The following TEX101 variants were observed in gnomAD, a reference collection of about 807,000 sequenced individuals.
TEX101 encodes the protein testis-expressed protein 101.
Under a neutral mutation model 18.1 loss-of-function variants are expected in TEX101, and 10 were observed. That is an observed-to-expected ratio of 0.55 (90% CI 0.34 to 0.94). TEX101 has a LOEUF of 0.94. Among genes scored for constraint, TEX101 ranks in the 40% least tolerant of loss-of-function variants. The probability of loss-of-function intolerance (pLI) is 0.02; values close to 1 mark genes in which losing one functional copy is unlikely to be tolerated. For missense variants in TEX101, 259 were observed against 298.9 expected (o/e 0.87, Z 0.98); for synonymous variants, 94 against 114.8 (o/e 0.82, Z 1.16).
At chr19:43,413,912 G>A (rs991116751), upstream of TEX101, among the ~76,000 whole-genome samples, 7 of 150,738 alleles carry the variant, frequency 4.6e-5, no homozygotes, top group Non-Finnish European at 7.4e-5. Context: ...CTGAGATCAC[G>A]TCACTGCACT....
At chr19:43,413,968 CA>C (rs765756332), upstream of TEX101, among the ~76,000 whole-genome samples, 43 of 151,388 alleles carry the variant, frequency 2.8e-4, no homozygotes, top group Middle Eastern at 3.4e-3. Flanking sequence ...AAAAAAAATA[CA>C]AAAAATTAGC....
intron 3 of TEX101, chr19:43,406,524 ATGG>A: frequency 2.8e-6 from 2 of 726,374 alleles, no homozygotes; most frequent in East Asian, 5.3e-5. Flanking sequence ...AGGCAGGTAC[ATGG>A]GCCTTGCGGG....
At chr19:43,397,451 T>A (rs943111640), upstream of TEX101, among the ~76,000 whole-genome samples, 2 of 140,936 alleles carry the variant, frequency 1.4e-5, no homozygotes, top group African/African-American at 5.1e-5. Flanking sequence ...TTCTTACACA[T>A]CATCCTTTGT....
upstream of TEX101, among the ~76,000 whole-genome samples, chr19:43,398,474 C>T (rs1487472664): frequency 1.3e-5 from 2 of 151,600 alleles, no homozygotes; most frequent in Non-Finnish European, 1.5e-5. Context: ...CAGGGTTTCA[C>T]CATGTTGGCC....
chr19:43,390,761 G>A, the TEX101 span, among the ~76,000 whole-genome samples: 7 of 150,472 alleles, frequency 4.7e-5, no homozygotes, highest in East Asian at 2.0e-4. Flanking sequence ...CACCTCGCCC[G>A]GCCCATTTTA....
chr19:43,404,661 A>G (rs1272153645), intron 2 of TEX101, among the ~76,000 whole-genome samples: 3 of 151,870 alleles, frequency 2.0e-5, no homozygotes, highest in African/African-American at 7.3e-5. Flanking sequence ...ATACATGTGT[A>G]TGTATGTGTG....
the TEX101 span, among the ~76,000 whole-genome samples, chr19:43,395,275 G>A: frequency 6.6e-6 from 1 of 152,174 alleles, no homozygotes; most frequent in African/African-American, 2.4e-5. Flanking sequence ...TCTGCTTTTA[G>A]GTAGATAAGG....
At chr19:43,395,884 C>T in the TEX101 span, among the ~76,000 whole-genome samples, 1 of 152,350 alleles carries the variant, frequency 6.6e-6, no homozygotes, top group Admixed American at 6.5e-5. Flanking sequence ...TGAAACTGCT[C>T]CACCTTTACG....
intron 1 of TEX101, among the ~76,000 whole-genome samples, chr19:43,415,435 C>T (rs1213811540): frequency 3.3e-5 from 5 of 152,036 alleles, no homozygotes; most frequent in East Asian, 1.9e-4. Flanking sequence ...AGGGACAGAA[C>T]GACTTTAGAA....
the TEX101 span, among the ~76,000 whole-genome samples, chr19:43,395,661 G>T: frequency 6.6e-6 from 1 of 152,230 alleles, no homozygotes; most frequent in Admixed American, 6.5e-5. Context: ...ATAAGAGGGT[G>T]TGGTGACTCT....
chr19:43,408,458 G>A (rs1970390367), intron 3 of TEX101, among the ~76,000 whole-genome samples: 1 of 152,182 alleles, frequency 6.6e-6, no homozygotes, highest in Admixed American at 6.5e-5. Flanking sequence ...GGAGAAGAGG[G>A]TCCGGCCGGT....
chr19:43,414,653 T>C (rs1372734347), upstream of TEX101, among the ~76,000 whole-genome samples: 1 of 152,208 alleles, frequency 6.6e-6, no homozygotes, highest in African/African-American at 2.4e-5. Flanking sequence ...GGCAACGCAC[T>C]GCCCACCCTC....
intron 2 of TEX101, chr19:43,406,209 T>G (rs967463053): frequency 2.4e-6 from 1 of 412,264 alleles, no homozygotes; most frequent in Non-Finnish European, 4.3e-6. Flanking sequence ...TGACGACTTG[T>G]GATTTCTGTG....
At chr19:43,411,629 A>ATTTTCTTTT (rs571071318), upstream of TEX101, among the ~76,000 whole-genome samples, 1 of 150,860 alleles carries the variant, frequency 6.6e-6, no homozygotes, top group African/African-American at 2.4e-5. Context: ...TAACCTCCTC[A>ATTTTCTTTT]TTTTCTTTTT....
At chr19:43,402,567 G>A (rs1446751467) in intron 1 of TEX101, among the ~76,000 whole-genome samples, 1 of 151,590 alleles carries the variant, frequency 6.6e-6, no homozygotes, top group Non-Finnish European at 1.5e-5. Context: ...ACAAACAGAT[G>A]TTTGAACTAA....
At chr19:43,414,416 C>T (rs529575101), upstream of TEX101, among the ~76,000 whole-genome samples, 517 of 152,242 alleles carry the variant, frequency 3.4e-3, 5 homozygotes, top group Non-Finnish European at 6.2e-3. Flanking sequence ...GACGCCTGGG[C>T]TGCACAGGGG....
At chr19:43,414,868 G>A, upstream of TEX101, 5 of 985,474 alleles carry the variant, frequency 5.1e-6, no homozygotes, top group Non-Finnish European at 6.0e-6. Context: ...TGTGTGGCCA[G>A]GCTGGCCCGG....
At chr19:43,388,722 A>G in the TEX101 span, among the ~76,000 whole-genome samples, 1 of 152,182 alleles carries the variant, frequency 6.6e-6, no homozygotes, top group Non-Finnish European at 1.5e-5. Flanking sequence ...GCTTGGCTGG[A>G]TACAAAGGTG....
At chr19:43,414,876 C>T (rs915791721), upstream of TEX101, 1 of 985,440 alleles carries the variant, frequency 1.0e-6, no homozygotes. Flanking sequence ...CAGGCTGGCC[C>T]GGCCTTGCGT....
Sources: allele counts gnomAD v4.1 joint callset (sites outside exome capture counted in the v4.1 genomes callset), GRCh38; gene constraint gnomAD v4.1.1; transcripts MANE v1.5; gene names NCBI Gene and HGNC (gene_info 2026-07-23, HGNC 2026-07-21).